The following MCTP2 variants were observed in gnomAD, a reference collection of about 807,000 sequenced individuals.
The protein encoded by MCTP2 is multiple C2 and transmembrane domain containing 2.
Under a neutral mutation model 111.6 loss-of-function variants are expected in MCTP2, and 132 were observed. That is an observed-to-expected ratio of 1.18 (90% CI 1.03 to 1.37). The LOEUF (loss-of-function observed/expected upper bound fraction) is 1.37. Among genes scored for constraint, MCTP2 ranks in the 40% most tolerant of loss-of-function variants. MCTP2 has a pLI of 0.00. For missense variants in MCTP2, 1,183 were observed against 1,067.9 expected, an observed-to-expected ratio of 1.11 and a Z score of -1.50; for synonymous variants, 395 against 387.7, an observed-to-expected ratio of 1.02 and a Z score of -0.22.
chr15:94,410,683 A>G (rs2082113748), intron 17 of MCTP2, among the ~76,000 whole-genome samples: 1 of 152,248 alleles, frequency 6.6e-6, no homozygotes, highest in African/African-American at 2.4e-5. Flanking sequence ...GCAGAAAGGC[A>G]AAGGCCCAGT....
At chr15:94,442,385 C>T (rs2083831675) in intron 18 of MCTP2, among the ~76,000 whole-genome samples, 1 of 152,174 alleles carries the variant, frequency 6.6e-6, no homozygotes, top group African/African-American at 2.4e-5. Flanking sequence ...CTTGAGTTTC[C>T]TTCCCTCACC....
chr15:94,447,416 A>G (rs541222414), intron 19 of MCTP2, among the ~76,000 whole-genome samples: 3 of 152,032 alleles, frequency 2.0e-5, no homozygotes, highest in Non-Finnish European at 4.4e-5. Flanking sequence ...GTTTTTTGAG[A>G]CAGAGTTTCA....
At chr15:94,307,271 T>C (rs2075928246) in intron 2 of MCTP2, among the ~76,000 whole-genome samples, 1 of 151,952 alleles carries the variant, frequency 6.6e-6, no homozygotes, top group Non-Finnish European at 1.5e-5. Flanking sequence ...GAGTAGGTGC[T>C]GGGGGGGAGG....
chr15:94,304,728 A>G (rs1053681639), intron 2 of MCTP2, among the ~76,000 whole-genome samples: 1 of 152,126 alleles, frequency 6.6e-6, no homozygotes, highest in Non-Finnish European at 1.5e-5. Flanking sequence ...TACACCATCC[A>G]TCTCACAATG....
intron 4 of MCTP2, among the ~76,000 whole-genome samples, chr15:94,319,601 C>T (rs935484208): frequency 2.0e-5 from 3 of 152,228 alleles, no homozygotes; most frequent in Non-Finnish European, 2.9e-5. Context: ...TAGGCAGTCC[C>T]TGTCACAGGT....
rs750608150 is a variant in MCTP2 at position 94,298,408 on chromosome 15, T to C, written c.143T>C (p.Leu48Pro). Residue 48 changes from leucine to proline, a missense_variant, in exon 2 of 23, where the codon CTC becomes CCC. By Grantham distance (98) the Leu-to-Pro change is moderately conservative. Coordinates refer to ENST00000357742, the MANE Select transcript of MCTP2 (RefSeq NM_001385001.1). ...GCAAGGCATCACTTGGACCGCCGTCTCAGCCTCTCTGTGCCTGATCTCCTG... is the reference window on the plus strand; with the variant it reads ...GCAAGGCATCACTTGGACCGCCGTCCCAGCCTCTCTGTGCCTGATCTCCTG... ...LRARHHLDRRLSLSVPDLLEA... is the reference protein window; with the variant it reads ...LRARHHLDRRPSLSVPDLLEA... The C allele has an allele frequency of 1.9e-6, 3 of 1,614,216 alleles. No homozygotes were observed. In the Admixed American group the frequency reaches 5.0e-5, roughly 27 times the overall value.
intron 12 of MCTP2, among the ~76,000 whole-genome samples, chr15:94,379,474 C>G (rs2079976396): frequency 6.6e-6 from 1 of 151,922 alleles, no homozygotes; most frequent in Non-Finnish European, 1.5e-5. Flanking sequence ...TAAAATGCTC[C>G]ATATTTAGTT....
intron 1 of MCTP2, among the ~76,000 whole-genome samples, chr15:94,283,961 A>G (rs2074624286): frequency 6.6e-6 from 1 of 152,172 alleles, no homozygotes; most frequent in Non-Finnish European, 1.5e-5. Flanking sequence ...CCCTTTCGTC[A>G]TTTCAGATTG....
chr15:94,394,341 A>G (rs1247627213), intron 14 of MCTP2, among the ~76,000 whole-genome samples: 2 of 152,040 alleles, frequency 1.3e-5, no homozygotes, highest in Admixed American at 6.5e-5. Context: ...TGGGCACAAC[A>G]TTCCCCGGCA....
intron 21 of MCTP2, among the ~76,000 whole-genome samples, chr15:94,473,502 G>A (rs2074096668): frequency 6.6e-6 from 1 of 152,238 alleles, no homozygotes; most frequent in African/African-American, 2.4e-5. Flanking sequence ...CTTACATGAA[G>A]TATGTATTTC....
At chr15:94,301,973 T>C (rs562453368) in intron 2 of MCTP2, among the ~76,000 whole-genome samples, 12 of 152,076 alleles carry the variant, frequency 7.9e-5, no homozygotes, top group Admixed American at 7.9e-4. Context: ...ATACCTTGTG[T>C]GGAATGAGGA....
At chr15:94,415,658 A>AC (rs1436741688) in intron 17 of MCTP2, among the ~76,000 whole-genome samples, 1 of 148,854 alleles carries the variant, frequency 6.7e-6, no homozygotes, top group African/African-American at 2.5e-5. Flanking sequence ...CTCCCAACAC[A>AC]CCCCCATTCT....
chr15:94,288,402 G>T (rs2074867205), intron 1 of MCTP2, among the ~76,000 whole-genome samples: 1 of 152,204 alleles, frequency 6.6e-6, no homozygotes, highest in South Asian at 2.1e-4. Context: ...GAGTTAATGG[G>T]TGGAACTCCA....
At chr15:94,386,697 A>C (rs1038834302) in intron 14 of MCTP2, among the ~76,000 whole-genome samples, 7 of 152,094 alleles carry the variant, frequency 4.6e-5, no homozygotes, top group African/African-American at 2.4e-5. Flanking sequence ...ATGTAACCAG[A>C]ATGTGGGGGA....
chr15:94,305,948 C>T (rs564688542), intron 2 of MCTP2, among the ~76,000 whole-genome samples: 6 of 152,196 alleles, frequency 3.9e-5, no homozygotes, highest in Admixed American at 3.3e-4. Context: ...CTTTACAAGA[C>T]GCTTTTAACA....
At chr15:94,363,308 A>G (rs1355505787) in intron 10 of MCTP2, among the ~76,000 whole-genome samples, 1 of 152,168 alleles carries the variant, frequency 6.6e-6, no homozygotes. Flanking sequence ...GGCTACTACA[A>G]GTAAGCAGGC....
intron 1 of MCTP2, among the ~76,000 whole-genome samples, chr15:94,295,804 A>C (rs935296995): frequency 2.0e-5 from 3 of 151,760 alleles, no homozygotes; most frequent in African/African-American, 7.3e-5. Context: ...AGTCCCAGCT[A>C]TTTGGGAGGC....
chr15:94,250,177 C>T (rs1007562551), intron 1 of MCTP2, among the ~76,000 whole-genome samples: 7 of 152,098 alleles, frequency 4.6e-5, no homozygotes, highest in Non-Finnish European at 2.9e-5. Context: ...CAGGTGACTA[C>T]ATAGCATTGG....
chr15:94,238,513 GAAA>G (rs544690740), intron 1 of MCTP2, among the ~76,000 whole-genome samples: 1 of 148,118 alleles, frequency 6.8e-6, no homozygotes, highest in Non-Finnish European at 1.5e-5. Flanking sequence ...GTAGCTAGGA[GAAA>G]AAAAAAAGTT....
Sources: allele counts gnomAD v4.1 joint callset (sites outside exome capture counted in the v4.1 genomes callset), GRCh38; gene constraint gnomAD v4.1.1; transcripts MANE v1.5; gene names NCBI Gene and HGNC (gene_info 2026-07-23, HGNC 2026-07-21).